DOCK8: variants seen among roughly 807,000 people sequenced by gnomAD.
The protein encoded by DOCK8 is dedicator of cytokinesis 8, also known as dedicator of cytokinesis protein 8.
In DOCK8, 141 loss-of-function variants were observed where a neutral mutation model predicts 245.6. The observed-to-expected ratio is 0.57, with a 90% CI of 0.50 to 0.66. The LOEUF (loss-of-function observed/expected upper bound fraction) is 0.66. DOCK8 is among the 30% of genes least tolerant of loss of function. The probability of loss-of-function intolerance (pLI) is 0.00; values close to 1 mark genes in which losing one functional copy is unlikely to be tolerated. For missense variants in DOCK8, 2,965 were observed against 2,603.4 expected (o/e 1.14, Z -3.02); for synonymous variants, 1,168 against 970.2 (o/e 1.20, Z -3.79).
upstream of DOCK8, chr9:214,118 G>A: frequency 8.1e-6 from 2 of 246,964 alleles, no homozygotes; most frequent in Non-Finnish European, 1.6e-5. Flanking sequence ...CAGCACGCCG[G>A]CACCTTGAAG....
intron 45 of DOCK8, 65 bp from the exon 46 acceptor site, chr9:451,946 T>TATAC: frequency 1.2e-5 from 3 of 253,774 alleles, no homozygotes; most frequent in African/African-American, 5.7e-5. Context: ...TATATATATG[T>TATAC]GTGTGTGTGT....
chr9:371,915 A>C (rs950786744), intron 17 of DOCK8, among the ~76,000 whole-genome samples: 3 of 152,352 alleles, frequency 2.0e-5, no homozygotes, highest in Non-Finnish European at 4.4e-5. Context: ...AGGTGAAATA[A>C]ACATTGATGT....
intron 5 of DOCK8, among the ~76,000 whole-genome samples, chr9:308,811 C>T (rs1020710070): frequency 8.5e-5 from 13 of 152,264 alleles, no homozygotes; most frequent in East Asian, 3.9e-4. Context: ...GCATGTGCCA[C>T]GACACCCGGC....
chr9:405,964 C>G (rs2131542300), intron 27 of DOCK8, among the ~76,000 whole-genome samples: 1 of 152,310 alleles, frequency 6.6e-6, no homozygotes, highest in East Asian at 1.9e-4. Context: ...GGTTCTTTCC[C>G]ACCTTCCCCT....
At chr9:308,682 G>A (rs1200368175) in intron 5 of DOCK8, among the ~76,000 whole-genome samples, 1 of 152,116 alleles carries the variant, frequency 6.6e-6, no homozygotes, top group Non-Finnish European at 1.5e-5. Flanking sequence ...TTTAGAGACA[G>A]AGTCTTGCTC....
intron 4 of DOCK8, among the ~76,000 whole-genome samples, chr9:290,213 G>C (rs890832534): frequency 8.6e-4 from 130 of 151,874 alleles, no homozygotes; most frequent in Non-Finnish European, 1.6e-3. Context: ...TGGAGCCCAG[G>C]ATGGCTTTGA....
intron 6 of DOCK8, among the ~76,000 whole-genome samples, chr9:314,852 A>G (rs1281054108): frequency 6.6e-6 from 1 of 152,210 alleles, no homozygotes. Flanking sequence ...GAAAGTTAGA[A>G]GAGAGGTAAA....
In DOCK8 at chr9:274,730, A is replaced by G. The variant is rs74558862; in HGVS notation, c.156+3001A>G. Among the ~76,000 whole-genome samples the G allele has an allele frequency of 5.6e-3, 860 of 152,314 alleles. 8 individuals are homozygous for G. Among genetic ancestry groups the G allele is most frequent in the Middle Eastern group, 6.8e-3 (2 of 294 alleles). ...GGTAAGATTCATTTCTAGGAAGGCA[A>G]AGGAGTAGTTTATCATCTAAAGACT... On this transcript the variant is annotated intron_variant, in intron 2 of 47. Transcript: ENST00000432829.
chr9:244,647 A>G (rs1470039308), intron 1 of DOCK8, among the ~76,000 whole-genome samples: 1 of 152,216 alleles, frequency 6.6e-6, no homozygotes, highest in East Asian at 1.9e-4. Context: ...TGTTTAATAA[A>G]TATTTATTAA....
intron 26 of DOCK8, among the ~76,000 whole-genome samples, chr9:400,343 C>CCAT (rs2054837803): frequency 2.4e-5 from 2 of 82,016 alleles, no homozygotes; most frequent in Non-Finnish European, 4.7e-5. Flanking sequence ...ACCTCCTCCA[C>CCAT]CACCACCACC....
chr9:420,810 A>G (rs2131640553), intron 31 of DOCK8, 139 bp from the exon 32 acceptor site: 3 of 1,306,566 alleles, frequency 2.3e-6, no homozygotes, highest in South Asian at 2.4e-5. Context: ...TTTGGCCCAT[A>G]GGATGCTCCA....
intron 15 of DOCK8, chr9:369,654 TAGGCAGTG>T (rs2053189090): frequency 6.2e-6 from 1 of 160,624 alleles, no homozygotes. Flanking sequence ...GATAGACCTC[TAGGCAGTG>T]AGGCAGAGTG....
At chr9:443,225 G>A (rs2057147844) in intron 42 of DOCK8, among the ~76,000 whole-genome samples, 1 of 152,140 alleles carries the variant, frequency 6.6e-6, no homozygotes. Context: ...ATCTTATAGG[G>A]AAGCATATAC....
intron 1 of DOCK8, among the ~76,000 whole-genome samples, chr9:262,605 A>T (rs1347826987): frequency 1.3e-5 from 2 of 151,538 alleles, no homozygotes; most frequent in African/African-American, 4.8e-5. Flanking sequence ...GATTCTATTT[A>T]TGTAAAATTC....
intron 29 of DOCK8, among the ~76,000 whole-genome samples, chr9:415,434 G>C (rs966718368): frequency 6.6e-6 from 1 of 152,098 alleles, no homozygotes; most frequent in African/African-American, 2.4e-5. Context: ...TATCATAGCA[G>C]AGAAATATTG....
intron 6 of DOCK8, among the ~76,000 whole-genome samples, chr9:314,718 T>C (rs2050270591): frequency 6.6e-6 from 1 of 152,222 alleles, no homozygotes; most frequent in Non-Finnish European, 1.5e-5. Flanking sequence ...ATTTGTGCTT[T>C]CTCCAAAGAA....
chr9:415,037 A>G (rs1320612672), intron 29 of DOCK8, 86 bp downstream of exon 29: 4 of 1,550,154 alleles, frequency 2.6e-6, no homozygotes, highest in Admixed American at 1.7e-5. Flanking sequence ...CATTCGTTCC[A>G]GTGCTGATAT....
At chr9:301,828 A>G (rs190154595) in intron 4 of DOCK8, among the ~76,000 whole-genome samples, 1 of 152,302 alleles carries the variant, frequency 6.6e-6, no homozygotes, top group East Asian at 1.9e-4. Flanking sequence ...TATGAAACAC[A>G]CTGAAAGAGA....
intron 1 of DOCK8, among the ~76,000 whole-genome samples, chr9:251,304 G>A (rs902817552): frequency 2.6e-5 from 4 of 152,140 alleles, no homozygotes; most frequent in African/African-American, 9.7e-5. Context: ...AAAAATCAAT[G>A]TTTAGAAGTT....
Sources: gnomAD v4.1 joint callset for allele counts (sites outside exome capture counted in the v4.1 genomes callset) on GRCh38, gnomAD v4.1.1 for gene constraint, MANE v1.5 for transcripts, NCBI Gene and HGNC (gene_info 2026-07-23, HGNC 2026-07-21) for gene names.